USP12: variants seen among roughly 807,000 people sequenced by gnomAD.
USP12 encodes ubiquitin carboxyl-terminal hydrolase 12.
Under a neutral mutation model 45.5 loss-of-function variants are expected in USP12, and 19 were observed. That is an observed-to-expected ratio of 0.42 (90% CI 0.29 to 0.61). The LOEUF is 0.61. Among genes scored for constraint, USP12 ranks in the 20% least tolerant of loss-of-function variants. The pLI is 0.22. For synonymous variants in USP12, 149 were observed against 148.8 expected, an observed-to-expected ratio of 1.00 and a Z score of -0.01; for missense variants, 242 against 447.7, an observed-to-expected ratio of 0.54 and a Z score of 4.15.
chr13:27,131,615 A>G (rs761958675), intron 1 of USP12, among the ~76,000 whole-genome samples: 8 of 152,212 alleles, frequency 5.3e-5, no homozygotes, highest in Non-Finnish European at 7.3e-5. Flanking sequence ...AACCTATGTA[A>G]AAGTCTGAGG....
intron 1 of USP12, among the ~76,000 whole-genome samples, chr13:27,156,260 T>C (rs1375151615): frequency 2.0e-5 from 3 of 148,772 alleles, no homozygotes; most frequent in Admixed American, 6.6e-5. Context: ...TCAGGCCTCT[T>C]AATCTACCAG....
At position 27,067,406 on chromosome 13, in the gene USP12, GTTGGTAGATCAGGCTGGCTTATATATAAT is replaced by G. The variant is rs1873046537; in HGVS notation, c.*1848_*1876del. On this transcript the variant is annotated 3_prime_UTR_variant, in exon 9 of 9. Coordinates refer to ENST00000282344, the MANE Select transcript of USP12 (RefSeq NM_182488.4). ...TGTTGATTGTGATTCTCTGTGGCAT[GTTGGTAGATCAGGCTGGCTTATATATAAT>G]TTGTACAAAACACCTCTAGCCAGGG... is the stretch of plus-strand genomic sequence containing the variant. 1 of 152,172 alleles carries G rather than the reference GTTGGTAGATCAGGCTGGCTTATATATAAT, an allele frequency of 6.6e-6. No homozygotes were observed. The highest frequency in any genetic ancestry group is 1.5e-5 in the Non-Finnish European group (1 of 68,032). The allele number at this position is 152,172 out of a possible 1,614,324, so 9.4% of individuals were successfully genotyped here.
intron 1 of USP12, among the ~76,000 whole-genome samples, chr13:27,148,967 G>A (rs1877446773): frequency 6.6e-6 from 1 of 151,982 alleles, no homozygotes; most frequent in Admixed American, 6.5e-5. Context: ...CGGATCATTT[G>A]AGCTCAGGAG....
chr13:27,067,116 C>T lies in USP12; in HGVS notation c.*2167G>A, dbSNP rs182228181. 8 of 152,024 alleles carry T rather than the reference C, an allele frequency of 5.3e-5. No individual in the cohort carries two copies. The East Asian group carries it at 1.5e-3, about 29-fold the overall frequency. 9.4% of individuals were successfully genotyped at this position (152,024 alleles called of 1,614,324 possible). The stretch of plus-strand genomic sequence containing the variant: ...TGCTTTAATATGAAATTTAACTTGG[C>T]TTTTACGGCATGTTTTTTTTTAATG... On this transcript the variant is annotated 3_prime_UTR_variant, in exon 9 of 9. Coordinates refer to ENST00000282344, the MANE Select transcript of USP12 (RefSeq NM_182488.4).
chr13:27,144,615 AT>A (rs1218638550), intron 1 of USP12, among the ~76,000 whole-genome samples: 1 of 152,024 alleles, frequency 6.6e-6, no homozygotes, highest in Non-Finnish European at 1.5e-5. Context: ...ATAAATTAAA[AT>A]TTAAAAAGTA....
chr13:27,118,000 G>A (rs73155892), intron 1 of USP12, among the ~76,000 whole-genome samples: 9,104 of 147,398 alleles, frequency 0.062, 359 homozygotes, highest in African/African-American at 0.094. Context: ...GAAAATTCCC[G>A]GGAAAACATA....
intron 8 of USP12, 142 bp from the exon 9 acceptor site, chr13:27,069,526 C>A: frequency 1.6e-6 from 1 of 645,146 alleles, no homozygotes; most frequent in Non-Finnish European, 2.7e-6. Flanking sequence ...CAGGGCACAC[C>A]AAAAAAATGT....
At chr13:27,142,863 G>A (rs752995654) in intron 1 of USP12, among the ~76,000 whole-genome samples, 80 of 152,276 alleles carry the variant, frequency 5.3e-4, no homozygotes, top group African/African-American at 1.7e-3. Context: ...GGGAGGCCGA[G>A]GCAGGCTGAT....
intron 3 of USP12, among the ~76,000 whole-genome samples, chr13:27,101,993 GATGT>G (rs1291217666): frequency 6.8e-6 from 1 of 147,248 alleles, no homozygotes; most frequent in Non-Finnish European, 1.5e-5. Flanking sequence ...CACATAATGA[GATGT>G]ATTTCCCATT....
intron 1 of USP12, among the ~76,000 whole-genome samples, chr13:27,122,827 C>T (rs1276763189): frequency 6.6e-6 from 1 of 152,066 alleles, no homozygotes; most frequent in Non-Finnish European, 1.5e-5. Flanking sequence ...GGCGCGGTGG[C>T]TCATGTCTGT....
chr13:27,136,371 G>A (rs1257370489), intron 1 of USP12, among the ~76,000 whole-genome samples: 1 of 152,192 alleles, frequency 6.6e-6, no homozygotes, highest in Non-Finnish European at 1.5e-5. Flanking sequence ...GGTGGCGCAT[G>A]CCTGTAATCC....
chr13:27,130,165 T>C (rs1054735363), intron 1 of USP12, among the ~76,000 whole-genome samples: 1 of 152,170 alleles, frequency 6.6e-6, no homozygotes, highest in Non-Finnish European at 1.5e-5. Context: ...AGCGGGAACC[T>C]TGCCCTCAAC....
At chr13:27,091,657 C>T (rs1272003358) in intron 4 of USP12, among the ~76,000 whole-genome samples, 1 of 151,858 alleles carries the variant, frequency 6.6e-6, no homozygotes, top group Non-Finnish European at 1.5e-5. Flanking sequence ...GACTCATCAG[C>T]ACATGTGATA....
At chr13:27,128,714 G>C (rs575518389) in intron 1 of USP12, among the ~76,000 whole-genome samples, 1 of 152,284 alleles carries the variant, frequency 6.6e-6, no homozygotes, top group Non-Finnish European at 1.5e-5. Context: ...AAGGATCCCT[G>C]GATTGCCACC....
intron 6 of USP12, among the ~76,000 whole-genome samples, chr13:27,086,169 C>T (rs1420082677): frequency 8.4e-5 from 4 of 47,744 alleles, no homozygotes; most frequent in Non-Finnish European, 1.7e-4. Context: ...GATCTTTTGT[C>T]TCTTTAAAAA....
rs375689507 is a variant in USP12 at position 27,109,476 on chromosome 13, T to C, written c.130-3532A>G. Among the ~76,000 whole-genome samples the C allele has an allele frequency of 4.6e-5, 7 of 152,268 alleles. No homozygotes were observed. In the East Asian group the frequency reaches 1.2e-3, roughly 25 times the overall value. ...AAGAAGGAAAAGGCCAAGTTTGAAA[T>C]GGGAATAGTCTCTAGGACAGATGAC... is the stretch of plus-strand genomic sequence containing the variant. On this transcript the variant is annotated intron_variant, in intron 2 of 8. Transcript: ENST00000282344.
intron 4 of USP12, 107 bp downstream of exon 4, chr13:27,095,494 T>C: frequency 2.4e-6 from 2 of 822,330 alleles, no homozygotes; most frequent in Non-Finnish European, 3.7e-6. Flanking sequence ...CTCCTATACC[T>C]AAGAATTACA....
chr13:27,104,793 G>A (rs920693318), intron 3 of USP12, among the ~76,000 whole-genome samples: 2 of 152,162 alleles, frequency 1.3e-5, no homozygotes, highest in Non-Finnish European at 2.9e-5. Flanking sequence ...TTACGCAATA[G>A]GGTATTTAAT....
At chr13:27,084,749 A>G (rs1019125260) in intron 6 of USP12, among the ~76,000 whole-genome samples, 1 of 152,138 alleles carries the variant, frequency 6.6e-6, no homozygotes, top group Non-Finnish European at 1.5e-5. Flanking sequence ...ACTGGTCTAT[A>G]TATGTCTTTA....
Sources: allele counts gnomAD v4.1 joint callset (sites outside exome capture counted in the v4.1 genomes callset), GRCh38; gene constraint gnomAD v4.1.1; transcripts MANE v1.5; gene names NCBI Gene and HGNC (gene_info 2026-07-23, HGNC 2026-07-21).